Variants in CLRN1 observed in about 807,000 individuals in gnomAD.
CLRN1 encodes clarin 1.
CLRN1 carries 15 observed loss-of-function variants against 18.7 expected under a neutral mutation model. That is an observed-to-expected ratio of 0.80 (90% CI 0.54 to 1.23). CLRN1 has a LOEUF of 1.23. CLRN1 is among the 50% of genes most tolerant of loss of function. CLRN1 has a pLI of 0.00. For missense variants in CLRN1, 311 were observed against 277.5 expected (o/e 1.12, Z -0.86); for synonymous variants, 104 against 102.9 (o/e 1.01, Z -0.07).
chr3:150,926,430 T>A, downstream of CLRN1: 1 of 348,628 alleles, frequency 2.9e-6, no homozygotes, highest in African/African-American at 2.1e-5. Context: ...GCTTTTGTAC[T>A]GGACCATTTC....
At chr3:150,944,563 A>G (rs1714051056) in intron 1 of CLRN1, among the ~76,000 whole-genome samples, 1 of 151,832 alleles carries the variant, frequency 6.6e-6, no homozygotes, top group South Asian at 2.1e-4. Context: ...GTTTAAAAAA[A>G]AAAAAAAGAA....
chr3:150,955,504 A>G (rs546733105), intron 1 of CLRN1, among the ~76,000 whole-genome samples: 1 of 152,256 alleles, frequency 6.6e-6, no homozygotes, highest in East Asian at 1.9e-4. Flanking sequence ...GGGTGATAGG[A>G]CCCAGTGTGT....
intron 1 of CLRN1, among the ~76,000 whole-genome samples, chr3:150,966,627 A>G (rs1229448180): frequency 6.6e-6 from 1 of 152,182 alleles, no homozygotes; most frequent in Admixed American, 6.5e-5. Flanking sequence ...CCATTCTTCA[A>G]TTTCCCTTTC....
chr3:150,941,565 T>C lies in CLRN1; in HGVS notation c.433+17A>G. ...TGAAAAGCACATTTGTCTTCAGAGG[T>C]AGAATTTTGTACTTACCTGAAATGA... On this transcript the variant is annotated intron_variant, in intron 2 of 2. Transcript: ENST00000327047. The C allele has an allele frequency of 1.2e-6, 2 of 1,613,198 alleles. No individual in the cohort carries two copies.
In CLRN1 at chr3:150,935,292, C is replaced by A. The variant is rs1320251987; in HGVS notation, c.433+6290G>T. On this transcript the variant is annotated intron_variant, in intron 2 of 2. Coordinates refer to ENST00000327047, the MANE Select transcript of CLRN1 (RefSeq NM_174878.3). ...TATATCTCCTAATGCTATCCCTCCC[C>A]CCTCTTCCCACCCCACAACAGTCCC... Among the ~76,000 whole-genome samples, 36 of 116,318 alleles carry A rather than the reference C, an allele frequency of 3.1e-4. 2 individuals are homozygous for A. The South Asian group carries it at 0.014, about 46-fold the overall frequency. 76.3% of individuals were successfully genotyped at this position (116,318 alleles called of 152,430 possible).
At chr3:150,950,041 G>A (rs1483041852) in intron 1 of CLRN1, among the ~76,000 whole-genome samples, 1 of 152,036 alleles carries the variant, frequency 6.6e-6, no homozygotes, top group Non-Finnish European at 1.5e-5. Flanking sequence ...CAACAAACCT[G>A]GGAAAAACAA....
chr3:150,942,404 C>T, intron 1 of CLRN1: 1 of 193,010 alleles, frequency 5.2e-6, no homozygotes, highest in African/African-American at 2.4e-5. Flanking sequence ...GAAAGCGAAA[C>T]CCTACATTTT....
At chr3:150,929,164 A>T (rs1048299559) in intron 2 of CLRN1, among the ~76,000 whole-genome samples, 6 of 152,204 alleles carry the variant, frequency 3.9e-5, no homozygotes, top group African/African-American at 1.4e-4. Flanking sequence ...TTTCCCCCTC[A>T]TCTATCACTC....
At chr3:150,948,470 C>A (rs377262663) in intron 1 of CLRN1, among the ~76,000 whole-genome samples, 1 of 107,192 alleles carries the variant, frequency 9.3e-6, no homozygotes, top group African/African-American at 3.7e-5. Flanking sequence ...GGCGACAGAG[C>A]GAGACTCCGT....
At position 150,926,788 on chromosome 3, in the gene CLRN1, G is replaced by C; in HGVS notation, c.*1148C>G. On this transcript the variant is annotated 3_prime_UTR_variant, in exon 3 of 3. Coordinates refer to ENST00000327047, the MANE Select transcript of CLRN1 (RefSeq NM_174878.3). ...AGTGATCTGTTTGCTGTCATTCTCT[G>C]CTTTTTCCTTGGTGCTTTCTGGAGG... 1 of 1,613,910 alleles carries C rather than the reference G, an allele frequency of 6.2e-7. No individual in the cohort carries two copies. The highest frequency in any genetic ancestry group is 8.5e-7 in the Non-Finnish European group (1 of 1,179,978).
chr3:150,970,141 G>A (rs1715462651), intron 1 of CLRN1, among the ~76,000 whole-genome samples: 3 of 152,190 alleles, frequency 2.0e-5, no homozygotes, highest in South Asian at 2.1e-4. Context: ...GGAGGTCCCT[G>A]CTTTTTGCTC....
chr3:150,945,524 C>T (rs1434274716), intron 1 of CLRN1: 5 of 1,286,916 alleles, frequency 3.9e-6, no homozygotes, highest in African/African-American at 1.5e-5. Context: ...TACATATGTA[C>T]ATACATGAAA....
chr3:150,963,823 C>T lies in CLRN1; in HGVS notation c.253+8633G>A, dbSNP rs561676998. Among the ~76,000 whole-genome samples, 3 of 152,268 alleles carry T rather than the reference C, an allele frequency of 2.0e-5. No individual in the cohort carries two copies. The East Asian group carries it at 5.8e-4, about 29-fold the overall frequency. The stretch of plus-strand genomic sequence containing the variant: ...AAAACAAGCAACGGGGAAAGGATTC[C>T]CTATTTAATAAATGGTGTTGGGAAA... On this transcript the variant is annotated intron_variant, in intron 1 of 2. Coordinates refer to ENST00000327047, the MANE Select transcript of CLRN1 (RefSeq NM_174878.3).
rs768825796 is a variant in CLRN1, at chr3:150,928,143, G to A, written c.492C>T (p.Leu164=). The change falls in exon 3 of 3, where the codon CTC becomes CTT. Residue 164 remains leucine, a synonymous_variant. Coordinates refer to ENST00000327047, the MANE Select transcript of CLRN1 (RefSeq NM_174878.3). Reference sequence around the variant, plus strand: ...CTTTATAATTTGCAATTTTTTCTGAGAGGTGATGGATTTTCACTTCAGAGG... The same window carrying A: ...CTTTATAATTTGCAATTTTTTCTGAAAGGTGATGGATTTTCACTTCAGAGG... The part of the protein sequence containing the change: ...LFASEVKIHH[L]SEKIANYKEG... 6 of 1,613,366 alleles carry A rather than the reference G, an allele frequency of 3.7e-6. No individual in the cohort carries two copies. Among genetic ancestry groups the A allele is most frequent in the Non-Finnish European group, 5.1e-6 (6 of 1,179,906 alleles).
intron 1 of CLRN1, among the ~76,000 whole-genome samples, chr3:150,964,794 G>A (rs1212188759): frequency 3.3e-5 from 5 of 152,058 alleles, no homozygotes; most frequent in African/African-American, 7.2e-5. Context: ...GCAAACTGAC[G>A]CAGGAACAGA....
rs1296012210 is a variant in CLRN1, at chr3:150,927,482, T to C, written c.*454A>G. On this transcript the variant is annotated 3_prime_UTR_variant, in exon 3 of 3. Transcript: ENST00000327047. ...GTGTGTTGATACATTTTATAGATGT[T>C]CATTTAATACACTACTGTTTTAGGA... 9 of 452,990 alleles carry C rather than the reference T, an allele frequency of 2.0e-5. No individual in the cohort carries two copies. Among genetic ancestry groups the C allele is most frequent in the Non-Finnish European group, 4.0e-5 (9 of 226,416 alleles). 28.1% of individuals were successfully genotyped at this position (452,990 alleles called of 1,614,324 possible). A position where few individuals can be genotyped will look rare whatever the true frequency, so the allele number is the denominator to read the frequency against.
At position 150,972,358 on chromosome 3, in the gene CLRN1, C is replaced by G; in HGVS notation, c.253+98G>C. Reference sequence around the variant, plus strand: ...ATGGTTCACACCGATTTAAAAAGTCCTGCAGTAAACACGGCAAAATTCTCA... The same window carrying G: ...ATGGTTCACACCGATTTAAAAAGTCGTGCAGTAAACACGGCAAAATTCTCA... On this transcript the variant is annotated intron_variant, in intron 1 of 2. Coordinates refer to ENST00000327047, the MANE Select transcript of CLRN1 (RefSeq NM_174878.3). The G allele has an allele frequency of 2.0e-6, 3 of 1,514,076 alleles. No homozygotes were observed. In the Admixed American group the frequency reaches 5.2e-5, roughly 26 times the overall value. 93.8% of individuals were successfully genotyped at this position (1,514,076 alleles called of 1,614,324 possible).
chr3:150,940,588 C>A, intron 2 of CLRN1: 1 of 1,393,338 alleles, frequency 7.2e-7, no homozygotes, highest in Non-Finnish European at 9.8e-7. Context: ...GAGTTGTTAT[C>A]GTTCTGTATC....
At chr3:150,969,454 G>A (rs1270345748) in intron 1 of CLRN1, among the ~76,000 whole-genome samples, 1 of 147,660 alleles carries the variant, frequency 6.8e-6, no homozygotes, top group African/African-American at 2.5e-5. Context: ...AGCCTCCCAA[G>A]TAGCTGGGAC....
Sources: allele counts gnomAD v4.1 joint callset (sites outside exome capture counted in the v4.1 genomes callset), GRCh38; gene constraint gnomAD v4.1.1; transcripts MANE v1.5; gene names NCBI Gene and HGNC (gene_info 2026-07-23, HGNC 2026-07-21).